Variants in TRHDE observed in about 807,000 individuals in gnomAD.
TRHDE encodes the protein thyrotropin releasing hormone degrading enzyme, also known as thyrotropin-releasing hormone-degrading ectoenzyme.
A neutral mutation model predicts 125.7 loss-of-function variants in TRHDE; 72 were observed. The observed-to-expected ratio is 0.57, with a 90% CI of 0.47 to 0.70. The LOEUF (loss-of-function observed/expected upper bound fraction) is 0.70. TRHDE is among the 30% of genes least tolerant of loss of function. The probability of loss-of-function intolerance (pLI) is 0.00; values close to 1 mark genes in which losing one functional copy is unlikely to be tolerated. For synonymous variants in TRHDE, 509 were observed against 509.1 expected (o/e 1.00, Z 0.00); for missense variants, 1,110 against 1,327.1 (o/e 0.84, Z 2.54).
chr12:72,129,072 A>C (rs1875792022), intron 2 of TRHDE, among the ~76,000 whole-genome samples: 1 of 152,218 alleles, frequency 6.6e-6, no homozygotes, highest in Admixed American at 6.5e-5. Context: ...AGGAACAAAG[A>C]ATAGGATGAA....
chr12:72,480,075 G>T, intron 5 of TRHDE, among the ~76,000 whole-genome samples: 1 of 150,670 alleles, frequency 6.6e-6, no homozygotes. Flanking sequence ...TTGGACATTT[G>T]GGTTGGTTCC....
At chr12:72,247,840 G>A (rs746573687) in intron 2 of TRHDE, among the ~76,000 whole-genome samples, 1 of 152,152 alleles carries the variant, frequency 6.6e-6, no homozygotes, top group Non-Finnish European at 1.5e-5. Flanking sequence ...TGCATTAGGT[G>A]TAGACCACTA....
intron 2 of TRHDE, among the ~76,000 whole-genome samples, chr12:72,300,746 C>T (rs1264427183): frequency 1.3e-5 from 2 of 151,660 alleles, no homozygotes. Flanking sequence ...TAGCACAGCT[C>T]CTTGCAGTTG....
chr12:72,194,266 T>C (rs1007250390), intron 2 of TRHDE, among the ~76,000 whole-genome samples: 1 of 152,106 alleles, frequency 6.6e-6, no homozygotes, highest in Non-Finnish European at 1.5e-5. Context: ...ACATATATTT[T>C]TGTTTAATCA....
At chr12:72,432,296 G>A (rs1874525049) in intron 3 of TRHDE, among the ~76,000 whole-genome samples, 1 of 152,184 alleles carries the variant, frequency 6.6e-6, no homozygotes, top group Non-Finnish European at 1.5e-5. Flanking sequence ...AGCTGGAGCT[G>A]CTTGCTTTTA....
At chr12:72,545,494 A>G (rs1233008958) in intron 7 of TRHDE, among the ~76,000 whole-genome samples, 2 of 151,544 alleles carry the variant, frequency 1.3e-5, no homozygotes, top group African/African-American at 4.8e-5. Context: ...TAGTTAGACA[A>G]TTTGGGTTTG....
chr12:72,402,969 T>C (rs979994356), intron 3 of TRHDE, among the ~76,000 whole-genome samples: 1 of 152,186 alleles, frequency 6.6e-6, no homozygotes, highest in Admixed American at 6.5e-5. Context: ...ATCTCATTAT[T>C]TAGCCAGTTG....
In TRHDE at chr12:72,598,560, A is replaced by G. The variant is rs143674905; in HGVS notation, c.2322-20331A>G. On this transcript the variant is annotated intron_variant, in intron 12 of 18. Transcript: ENST00000261180. ...TAACAAGTTGGTTGTCCCTTATACA[A>G]CCAAGTCTAAGTAGTGGGGCATGGA... is the stretch of plus-strand genomic sequence containing the variant. Among the ~76,000 whole-genome samples the G allele has an allele frequency of 3.4e-4, 52 of 152,232 alleles. No individual in the cohort carries two copies. The East Asian group carries it at 9.1e-3, about 27-fold the overall frequency.
chr12:72,635,969 T>C (rs1349618787), intron 15 of TRHDE, among the ~76,000 whole-genome samples: 1 of 151,662 alleles, frequency 6.6e-6, no homozygotes, highest in Admixed American at 6.6e-5. Context: ...TGGCTTAGGA[T>C]TGACTTGGCG....
At chr12:72,269,633 T>C (rs1384506003), upstream of TRHDE, among the ~76,000 whole-genome samples, 3 of 152,140 alleles carry the variant, frequency 2.0e-5, no homozygotes, top group South Asian at 6.2e-4. Context: ...TGAAGAGAAC[T>C]GGGTTAAAGG....
In TRHDE at chr12:72,537,373, G is replaced by A. The variant is rs965686385; in HGVS notation, c.1723-4918G>A. Among the ~76,000 whole-genome samples, 24 of 151,954 alleles carry A rather than the reference G, an allele frequency of 1.6e-4. 1 individual carries two copies. The highest frequency in any genetic ancestry group is 1.1e-3 in the Admixed American group (17 of 15,224). On this transcript the variant is annotated intron_variant, in intron 6 of 18. Coordinates refer to ENST00000261180, the MANE Select transcript of TRHDE (RefSeq NM_013381.3). The stretch of plus-strand genomic sequence containing the variant: ...AGGGAACTGATTGGATTATGGGGGC[G>A]GTTTCCCCCATACTGTTACTCATGA...
At chr12:72,247,912 T>C (rs1214758033) in intron 2 of TRHDE, among the ~76,000 whole-genome samples, 1 of 152,228 alleles carries the variant, frequency 6.6e-6, no homozygotes, top group African/African-American at 2.4e-5. Flanking sequence ...TATGAATGTA[T>C]GTATCTATCT....
At chr12:72,604,139 T>TA (rs1422281705) in intron 12 of TRHDE, among the ~76,000 whole-genome samples, 1 of 152,154 alleles carries the variant, frequency 6.6e-6, no homozygotes, top group Non-Finnish European at 1.5e-5. Flanking sequence ...CCAGAGAGGA[T>TA]AAAAAACAGG....
chr12:72,521,705 C>T (rs1005706765), intron 6 of TRHDE, among the ~76,000 whole-genome samples: 3 of 152,158 alleles, frequency 2.0e-5, no homozygotes, highest in African/African-American at 7.2e-5. Flanking sequence ...TTACATATTC[C>T]CCAAACTGTT....
intron 6 of TRHDE, among the ~76,000 whole-genome samples, chr12:72,501,892 G>T (rs1878170071): frequency 6.6e-6 from 1 of 151,970 alleles, no homozygotes; most frequent in South Asian, 2.1e-4. Context: ...TTTAATGCGA[G>T]CATTGGTAGT....
intron 1 of TRHDE, among the ~76,000 whole-genome samples, chr12:72,095,191 C>T (rs1874884083): frequency 6.6e-6 from 1 of 152,170 alleles, no homozygotes; most frequent in African/African-American, 2.4e-5. Context: ...TGTGGGCTGT[C>T]TCTAGCAGTG....
chr12:72,637,896 C>T (rs1435041933), intron 15 of TRHDE, among the ~76,000 whole-genome samples: 4 of 152,016 alleles, frequency 2.6e-5, no homozygotes, highest in Non-Finnish European at 5.9e-5. Context: ...TGTTCTTTTA[C>T]ATTTGCTGAG....
chr12:72,192,476 T>G (rs1877360038), intron 2 of TRHDE, among the ~76,000 whole-genome samples: 1 of 151,994 alleles, frequency 6.6e-6, no homozygotes, highest in South Asian at 2.1e-4. Flanking sequence ...TCAGGATAAG[T>G]ATTTACAAAA....
At chr12:72,359,275 A>C (rs1415683352) in intron 2 of TRHDE, among the ~76,000 whole-genome samples, 2 of 151,648 alleles carry the variant, frequency 1.3e-5, no homozygotes, top group East Asian at 3.9e-4. Context: ...ATTGAAGGGA[A>C]CTTCCTTATC....
Sources: allele counts gnomAD v4.1 joint callset (sites outside exome capture counted in the v4.1 genomes callset), GRCh38; gene constraint gnomAD v4.1.1; transcripts MANE v1.5; gene names NCBI Gene and HGNC (gene_info 2026-07-23, HGNC 2026-07-21).